MARCHF6: variants seen among roughly 807,000 people sequenced by gnomAD.
MARCHF6 encodes membrane associated ring-CH-type finger 6.
MARCHF6 carries 31 observed loss-of-function variants against 133.7 expected under a neutral mutation model. The observed-to-expected ratio is 0.23, with a 90% CI of 0.17 to 0.31. MARCHF6 has a LOEUF of 0.31. MARCHF6 is among the 10% of genes least tolerant of loss of function. MARCHF6 has a pLI of 1.00. For missense variants in MARCHF6, 723 were observed against 1,121.6 expected (o/e 0.64, Z 5.08); for synonymous variants, 395 against 402.5 (o/e 0.98, Z 0.22).
Position 10,417,302 on chromosome 5 carries a change from G to A in MARCHF6, c.2181G>A (p.Leu727=), listed in dbSNP as rs776887465. The change falls in exon 22 of 26, where the codon TTG becomes TTA. Residue 727 remains leucine, a synonymous_variant. Transcript: ENST00000274140. ...AGACTTTGATAGTTGCGGTGCTGTTGGCTGGAGTTGTCCCTCTCCTTCTGG... is the reference window on the plus strand; with the variant it reads ...AGACTTTGATAGTTGCGGTGCTGTTAGCTGGAGTTGTCCCTCTCCTTCTGG... ...IMKTLIVAVL[L]AGVVPLLLGL... is the part of the protein sequence containing the mutation. The A allele has an allele frequency of 1.2e-6, 2 of 1,613,856 alleles. No homozygotes were observed.
At position 10,405,548 on chromosome 5, in the gene MARCHF6, AT is replaced by A. The variant is rs1266106536; in HGVS notation, c.1333-9del. ...GGTGAATATTCATAGTATTTAAAAT[AT>A]ATTTGCAGGTACTTCGACCTGGTGT... On this transcript the variant is annotated splice_polypyrimidine_tract_variant and intron_variant, in intron 15 of 25. Transcript: ENST00000274140. 1 of 1,587,334 alleles carries A rather than the reference AT, an allele frequency of 6.3e-7. No homozygotes were observed.
At position 10,411,505 on chromosome 5, in the gene MARCHF6, C is replaced by T. The variant is rs199680498; in HGVS notation, c.1864C>T (p.Pro622Ser). 1 of 1,614,162 alleles carries T rather than the reference C, an allele frequency of 6.2e-7. No homozygotes were observed. The highest frequency in any genetic ancestry group is 1.3e-5 in the African/African-American group (1 of 75,070). The stretch of plus-strand genomic sequence containing the variant: ...GCAGGGAGGGCCTGTTGGCTTTCAG[C>T]CTTACCGCCGACCTTTAAATTTTCC... ...LQQGGPVGFQ[P>S]YRRPLNFPLR... The change falls in exon 19 of 26, where the codon CCT becomes TCT. Residue 622 changes from proline to serine, a missense_variant. Pro to Ser is a moderately conservative substitution (Grantham distance 74). Coordinates refer to ENST00000274140, the MANE Select transcript of MARCHF6 (RefSeq NM_005885.4).
At position 10,377,035 on chromosome 5, in the gene MARCHF6, A is replaced by C. The variant is rs78445728; in HGVS notation, c.20-763A>C. On this transcript the variant is annotated intron_variant, in intron 1 of 25. Transcript: ENST00000274140. ...CTAAGTGGACCCGGGTAGGAGCTTT[A>C]GAGCGAGAGTGCGAAGGATCCGTCG... Among the ~76,000 whole-genome samples, 222 of 152,300 alleles carry C rather than the reference A, an allele frequency of 1.5e-3. 1 individual carries two copies. The highest frequency in any genetic ancestry group is 2.5e-3 in the Non-Finnish European group (170 of 68,014).
chr5:10,397,384 G>A, intron 10 of MARCHF6, 40 bp downstream of exon 10: 3 of 1,463,158 alleles, frequency 2.1e-6, no homozygotes, highest in Non-Finnish European at 2.8e-6. Context: ...TAGTATTATG[G>A]TAGGAATTTA....
intron 15 of MARCHF6, among the ~76,000 whole-genome samples, chr5:10,403,921 A>C (rs140481950): frequency 1.4e-3 from 208 of 152,254 alleles, no homozygotes; most frequent in Admixed American, 3.5e-3. Flanking sequence ...AACCAAAAGG[A>C]TATGGTTTTG....
chr5:10,386,907 G>T lies in MARCHF6; in HGVS notation c.335-87G>T, dbSNP rs527775448. 16 of 933,502 alleles carry T rather than the reference G, an allele frequency of 1.7e-5. No homozygotes were observed. In the African/African-American group the frequency reaches 1.9e-4, roughly 11 times the overall value. 57.8% of individuals were successfully genotyped at this position (933,502 alleles called of 1,614,324 possible). On this transcript the variant is annotated intron_variant, in intron 4 of 25. Transcript: ENST00000274140. Reference sequence around the variant, plus strand: ...TGTTTATTTCAGTGGCATTTGTGGCGTTCCACTTTACCTCTGCTTTCTTGA... The same window carrying T: ...TGTTTATTTCAGTGGCATTTGTGGCTTTCCACTTTACCTCTGCTTTCTTGA...
intron 4 of MARCHF6, 39 bp from the exon 5 acceptor site, chr5:10,386,955 C>T (rs775386411): frequency 5.3e-6 from 8 of 1,508,678 alleles, no homozygotes; most frequent in Middle Eastern, 3.4e-4. Flanking sequence ...ATTCATGATG[C>T]GAGTTGTGAC....
chr5:10,412,373 G>A (rs758485981), intron 19 of MARCHF6, among the ~76,000 whole-genome samples: 2 of 152,192 alleles, frequency 1.3e-5, no homozygotes, highest in Non-Finnish European at 2.9e-5. Flanking sequence ...TACAGTGGGT[G>A]CTGTGACTCC....
rs548204298 is a variant in MARCHF6, at chr5:10,402,535, C to A, written c.1125C>A (p.Val375=). The A allele has an allele frequency of 6.2e-7, 1 of 1,613,512 alleles. No homozygotes were observed. The highest frequency in any genetic ancestry group is 8.5e-7 in the Non-Finnish European group (1 of 1,179,764). The part of the protein sequence containing the change: ...LLGVCYIVVK[V]SLLVVVEIGV... The stretch of plus-strand genomic sequence containing the variant: ...GATGACCTTTATTTTCACTTAAGGT[C>A]TCTTTGTTAGTGGTGGTAGAAATTG... Residue 375 remains valine, a splice_region_variant and synonymous_variant, in exon 14 of 26, where the codon GTC becomes GTA. Transcript: ENST00000274140.
intron 1 of MARCHF6, among the ~76,000 whole-genome samples, chr5:10,367,692 TTTTC>T (rs922398356): frequency 9.2e-5 from 14 of 152,132 alleles, no homozygotes; most frequent in East Asian, 3.8e-4. Context: ...GTGGTGGTGG[TTTTC>T]TTTCTTTCTT....
chr5:10,353,843 T>C lies in MARCHF6; in HGVS notation c.-56T>C. 2.0e-6 allele frequency: 3 copies of C among 1,519,890 alleles called. No homozygotes were observed. Among genetic ancestry groups the C allele is most frequent in the Non-Finnish European group, 2.7e-6 (3 of 1,129,626 alleles). 94.2% of individuals were successfully genotyped at this position (1,519,890 alleles called of 1,614,324 possible). A position where few individuals can be genotyped will look rare whatever the true frequency, so the allele number is the denominator to read the frequency against. ...TCCCTCCTCCTCTCCCCTCCCTCTTTCCCCGCCCGGCCGCGGGAGCCTCGT... is the reference window on the plus strand; with the variant it reads ...TCCCTCCTCCTCTCCCCTCCCTCTTCCCCCGCCCGGCCGCGGGAGCCTCGT... On this transcript the variant is annotated 5_prime_UTR_variant, in exon 1 of 26. Transcript: ENST00000274140.
At chr5:10,384,533 T>C (rs1240024891) in intron 4 of MARCHF6, among the ~76,000 whole-genome samples, 1 of 152,206 alleles carries the variant, frequency 6.6e-6, no homozygotes, top group East Asian at 1.9e-4. Flanking sequence ...CAATGCTGAC[T>C]GTAGAATGTG....
intron 15 of MARCHF6, 38 bp downstream of exon 15, chr5:10,403,579 A>T: frequency 6.4e-7 from 1 of 1,565,910 alleles, no homozygotes; most frequent in East Asian, 2.3e-5. Flanking sequence ...GTACATTTAT[A>T]AAAAGGACTT....
At chr5:10,424,899 C>T (rs1740004578) in intron 23 of MARCHF6, among the ~76,000 whole-genome samples, 1 of 152,178 alleles carries the variant, frequency 6.6e-6, no homozygotes, top group Admixed American at 6.5e-5. Flanking sequence ...TGCTTTAGCA[C>T]TCCGATAATA....
chr5:10,389,547 T>G (rs1187698917), intron 5 of MARCHF6, among the ~76,000 whole-genome samples: 1 of 152,040 alleles, frequency 6.6e-6, no homozygotes, highest in Non-Finnish European at 1.5e-5. Flanking sequence ...GAATTATAGG[T>G]GCACACCATC....
At chr5:10,357,510 T>C (rs1351203732) in intron 1 of MARCHF6, among the ~76,000 whole-genome samples, 1 of 152,196 alleles carries the variant, frequency 6.6e-6, no homozygotes, top group African/African-American at 2.4e-5. Context: ...AAGAGTATTA[T>C]GGTTGATCAT....
chr5:10,405,708 T>C lies in MARCHF6; in HGVS notation c.1452+31T>C. Reference sequence around the variant, plus strand: ...AAGATGTTTCCATTGTTTTTTTTTTTTGAATTAATTGTGCTAACCTATAGT... The same window carrying C: ...AAGATGTTTCCATTGTTTTTTTTTTCTGAATTAATTGTGCTAACCTATAGT... On this transcript the variant is annotated intron_variant, in intron 16 of 25. Coordinates refer to ENST00000274140, the MANE Select transcript of MARCHF6 (RefSeq NM_005885.4). 6 of 1,567,262 alleles carry C rather than the reference T, an allele frequency of 3.8e-6. No individual in the cohort carries two copies. In the South Asian group the frequency reaches 7.2e-5, roughly 19 times the overall value.
intron 19 of MARCHF6, among the ~76,000 whole-genome samples, chr5:10,412,172 T>G (rs1199509490): frequency 6.6e-6 from 1 of 152,224 alleles, no homozygotes; most frequent in African/African-American, 2.4e-5. Flanking sequence ...AAATAGTCAT[T>G]ATTATACCTT....
intron 21 of MARCHF6, among the ~76,000 whole-genome samples, chr5:10,416,463 G>C (rs187979178): frequency 7.9e-5 from 12 of 152,270 alleles, no homozygotes; most frequent in Admixed American, 7.8e-4. Context: ...TAATCCATAA[G>C]ATAATGAGAC....
Sources: gnomAD v4.1 joint callset for allele counts (sites outside exome capture counted in the v4.1 genomes callset) on GRCh38, gnomAD v4.1.1 for gene constraint, MANE v1.5 for transcripts, NCBI Gene and HGNC (gene_info 2026-07-23, HGNC 2026-07-21) for gene names.